The following TMEM8B variants were observed in gnomAD, a reference collection of about 807,000 sequenced individuals.
The protein encoded by TMEM8B is transmembrane protein 8B.
TMEM8B carries 29 observed loss-of-function variants against 49.3 expected under a neutral mutation model. The ratio of observed to expected loss-of-function variants is 0.59; its 90% confidence interval spans 0.44 to 0.80. TMEM8B has a LOEUF of 0.80. Among genes scored for constraint, TMEM8B ranks in the 30% least tolerant of loss-of-function variants. TMEM8B has a pLI of 0.00. For missense variants in TMEM8B, 575 were observed against 658.5 expected, an observed-to-expected ratio of 0.87 and a Z score of 1.39; for synonymous variants, 264 against 272.8, an observed-to-expected ratio of 0.97 and a Z score of 0.32.
rs1233802433 is a variant in TMEM8B, at chr9:35,855,250, A to G, written c.*1410A>G. ...CTGCATCTGTTAAAACTGCAAATCT[A>G]TCTTGGCCTGGGGTGTGGAGCTCAG... is the stretch of plus-strand genomic sequence containing the variant. On this transcript the variant is annotated 3_prime_UTR_variant, in exon 13 of 13. Transcript: ENST00000643932. 1 of 152,164 alleles carries G rather than the reference A, an allele frequency of 6.6e-6. No individual in the cohort carries two copies. The highest frequency in any genetic ancestry group is 2.4e-5 in the African/African-American group (1 of 41,434). 9.4% of individuals were successfully genotyped at this position (152,164 alleles called of 1,614,324 possible).
At position 35,841,080 on chromosome 9, in the gene TMEM8B, T is replaced by A; in HGVS notation, c.907-54T>A. On this transcript the variant is annotated intron_variant, in intron 3 of 12. Transcript: ENST00000643932. The surrounding 1 kb of genome is among the most constrained non-coding windows in gnomAD (Gnocchi z 5.9). Reference sequence around the variant, plus strand: ...CCCAGCAGGTTCTGTTTGCCTTGGTTTAGTCACACCCCTGCTGTCTCTCCC... The same window carrying A: ...CCCAGCAGGTTCTGTTTGCCTTGGTATAGTCACACCCCTGCTGTCTCTCCC... The A allele has an allele frequency of 2.4e-6, 1 of 414,416 alleles. No homozygotes were observed. The highest frequency in any genetic ancestry group is 3.6e-5 in the East Asian group (1 of 28,062). 25.7% of individuals were successfully genotyped at this position (414,416 alleles called of 1,614,324 possible).
chr9:35,837,074 G>A (rs1306077062), intron 3 of TMEM8B, among the ~76,000 whole-genome samples: 1 of 152,128 alleles, frequency 6.6e-6, no homozygotes. Flanking sequence ...TTCTCAACTT[G>A]TTTCCTTCCC....
At position 35,863,266 on chromosome 9, in the gene TMEM8B, GAGAAGGGCTTTGGGC is replaced by G. The variant is rs1225399510; in HGVS notation, c.*9429_*9443del. The G allele has an allele frequency of 6.6e-6, 1 of 152,186 alleles. No individual in the cohort carries two copies. The highest frequency in any genetic ancestry group is 1.5e-5 in the Non-Finnish European group (1 of 68,026). The allele number at this position is 152,186 out of a possible 1,614,324, so 9.4% of individuals were successfully genotyped here. A position where few individuals can be genotyped will look rare whatever the true frequency, so the allele number is the denominator to read the frequency against. ...ATGATACAGCTATTGTGATTGCTAG[GAGAAGGGCTTTGGGC>G]AGTGCCAGTCTCCTGTTTGCAGTAA... On this transcript the variant is annotated 3_prime_UTR_variant, in exon 13 of 13. Transcript: ENST00000643932.
In TMEM8B at chr9:35,861,339, A is replaced by C. The variant is rs1832650853; in HGVS notation, c.*7499A>C. ...GAGGCGTGTCCTCCCGCCCATCCCC[A>C]GTGGGGGGTGTTCTGCCCATTCTCC... On this transcript the variant is annotated 3_prime_UTR_variant, in exon 13 of 13. Transcript: ENST00000643932. The C allele has an allele frequency of 6.6e-6, 1 of 152,314 alleles. No individual in the cohort carries two copies. Among genetic ancestry groups the C allele is most frequent in the African/African-American group, 2.4e-5 (1 of 41,420 alleles). 9.4% of individuals were successfully genotyped at this position (152,314 alleles called of 1,614,324 possible).
rs138213013 is a variant in TMEM8B at position 35,838,348 on chromosome 9, C to T, written c.907-2786C>T. Reference sequence around the variant, plus strand: ...TTTTCTTTTTGAAACACCTTCCCTTCTTGGCCTCTGTGACTTTACAGAACT... The same window carrying T: ...TTTTCTTTTTGAAACACCTTCCCTTTTTGGCCTCTGTGACTTTACAGAACT... On this transcript the variant is annotated intron_variant, in intron 3 of 12. Transcript: ENST00000643932. Among the ~76,000 whole-genome samples the T allele has an allele frequency of 1.3e-4, 20 of 152,174 alleles. No individual in the cohort carries two copies. The East Asian group carries it at 3.5e-3, about 27-fold the overall frequency.
chr9:35,861,590 C>G lies in TMEM8B; in HGVS notation c.*7750C>G, dbSNP rs566460559. The stretch of plus-strand genomic sequence containing the variant: ...AGGCACCCAGCAGATAGCGAATGCA[C>G]GACTCCAAAACCCAGCTTTGCCTCC... On this transcript the variant is annotated 3_prime_UTR_variant, in exon 13 of 13. Coordinates refer to ENST00000643932, the MANE Select transcript of TMEM8B (RefSeq NM_001042590.4). The G allele has an allele frequency of 1.3e-5, 2 of 152,674 alleles. No individual in the cohort carries two copies. Among genetic ancestry groups the G allele is most frequent in the African/African-American group, 4.8e-5 (2 of 41,472 alleles). The allele number at this position is 152,674 out of a possible 1,614,324, so 9.5% of individuals were successfully genotyped here.
Position 35,858,185 on chromosome 9 carries a change from G to C in TMEM8B, c.*4345G>C, listed in dbSNP as rs1235314503. On this transcript the variant is annotated 3_prime_UTR_variant, in exon 13 of 13. Coordinates refer to ENST00000643932, the MANE Select transcript of TMEM8B (RefSeq NM_001042590.4). The stretch of plus-strand genomic sequence containing the variant: ...AGTGGCGCCATCTCAGCTCACTGCA[G>C]CCTCCACCTCCCAAGTTCAAGCGAT... 1 of 149,386 alleles carries C rather than the reference G, an allele frequency of 6.7e-6. No individual in the cohort carries two copies. Among genetic ancestry groups the C allele is most frequent in the African/African-American group, 2.5e-5 (1 of 40,464 alleles). The allele number at this position is 149,386 out of a possible 1,614,324, so 9.3% of individuals were successfully genotyped here. A position where few individuals can be genotyped will look rare whatever the true frequency, so the allele number is the denominator to read the frequency against.
chr9:35,849,963 T>C (rs1399212754), intron 10 of TMEM8B, among the ~76,000 whole-genome samples: 1 of 152,218 alleles, frequency 6.6e-6, no homozygotes, highest in African/African-American at 2.4e-5. Context: ...GCTGTGCAGG[T>C]GTCCTTGCTG....
intron 10 of TMEM8B, among the ~76,000 whole-genome samples, chr9:35,850,173 T>G (rs1264523490): frequency 6.6e-6 from 1 of 152,240 alleles, no homozygotes; most frequent in Non-Finnish European, 1.5e-5. Flanking sequence ...CGTTTGCGTT[T>G]ATAGTCCACA....
rs1832273197 is a variant in TMEM8B at position 35,852,827 on chromosome 9, T to G, written c.2176T>G (p.Phe726Val). Residue 726 changes from phenylalanine (F) to valine (V), a missense_variant and splice_region_variant, in exon 11 of 13, where the codon TTC (phenylalanine) becomes GTC (valine). Phe to Val is a conservative substitution (Grantham distance 50). Transcript: ENST00000643932. ...CAATGCCTGTCATTTCTTCCTTCAG[T>G]TCTATCATGCCTGTGACCAGCCAGG... The part of the protein sequence containing the change: ...VYTFTMFFST[F>V]YHACDQPGIV... 6.2e-7 allele frequency: 1 copy of G among 1,614,024 alleles called. No individual in the cohort carries two copies. The highest frequency in any genetic ancestry group is 8.5e-7 in the Non-Finnish European group (1 of 1,180,028).
chr9:35,846,380 C>T lies in TMEM8B; in HGVS notation c.1852C>T (p.Arg618Trp), dbSNP rs780339484. ...CCGCTCCCTGTGCGGGGTGGGGCCT[C>T]GGTGAGCGGTGCGGGGCGGGGCCAG... ...ALRSLCGVGP[R>W]FVRCRNATAE... The change falls in exon 8 of 13, where the codon CGG becomes TGG. Residue 618 changes from arginine to tryptophan, a missense_variant and splice_region_variant. Physicochemically the swap from Arg to Trp is moderately radical, Grantham distance 101 (BLOSUM62 -3). Transcript: ENST00000643932. 5.6e-6 allele frequency: 9 copies of T among 1,611,902 alleles called. No homozygotes were observed. The African/African-American group carries it at 8.0e-5, about 14-fold the overall frequency.
intron 3 of TMEM8B, among the ~76,000 whole-genome samples, chr9:35,838,469 A>G (rs1470064499): frequency 6.6e-6 from 1 of 151,910 alleles, no homozygotes; most frequent in Non-Finnish European, 1.5e-5. Flanking sequence ...TGGTCCTCGA[A>G]CAATTCCTTT....
At chr9:35,831,579 G>T (rs1380371750) in intron 1 of TMEM8B, among the ~76,000 whole-genome samples, 1 of 152,216 alleles carries the variant, frequency 6.6e-6, no homozygotes, top group African/African-American at 2.4e-5. Context: ...TTCAGTTTTG[G>T]TAAGGGGAAG....
At chr9:35,847,926 C>G (rs960708806) in intron 10 of TMEM8B, among the ~76,000 whole-genome samples, 1 of 152,176 alleles carries the variant, frequency 6.6e-6, no homozygotes, top group Non-Finnish European at 1.5e-5. Context: ...GGAATCTTTT[C>G]AACTCATCTC....
chr9:35,842,655 A>G lies in TMEM8B; in HGVS notation c.1573A>G (p.Met525Val), dbSNP rs377318656. ...CCCTGAGCGCCCAGCCGTGTTCGCC[A>G]TGAGGCTGTTGCCAGTGCTGGACAG... ...LPPERPAVFA[M>V]RLLPVLDSGG... The change falls in exon 6 of 13, where the codon ATG becomes GTG. Residue 525 changes from methionine (M) to valine (V), a missense_variant. Transcript: ENST00000643932. The surrounding 1 kb of genome is among the most constrained non-coding windows in gnomAD (Gnocchi z 5.6). 4 of 1,614,054 alleles carry G rather than the reference A, an allele frequency of 2.5e-6. No individual in the cohort carries two copies. Among genetic ancestry groups the G allele is most frequent in the African/African-American group, 2.7e-5 (2 of 74,934 alleles).
At position 35,860,777 on chromosome 9, in the gene TMEM8B, G is replaced by A. The variant is rs1030300527; in HGVS notation, c.*6937G>A. On this transcript the variant is annotated 3_prime_UTR_variant, in exon 13 of 13. Coordinates refer to ENST00000643932, the MANE Select transcript of TMEM8B (RefSeq NM_001042590.4). ...TACTTTCTGGCCTCCATATTGCTTTGTAGGAGAAATGATACTGACAATGAT... is the reference window on the plus strand; with the variant it reads ...TACTTTCTGGCCTCCATATTGCTTTATAGGAGAAATGATACTGACAATGAT... The A allele has an allele frequency of 6.6e-6, 1 of 152,254 alleles. No individual in the cohort carries two copies. Among genetic ancestry groups the A allele is most frequent in the Admixed American group, 6.5e-5 (1 of 15,280 alleles). 9.4% of individuals were successfully genotyped at this position (152,254 alleles called of 1,614,324 possible).
At chr9:35,852,804 A>G (rs1321977295) in intron 10 of TMEM8B, 23 bp from the exon 11 acceptor site, 2 of 1,613,620 alleles carry the variant, frequency 1.2e-6, no homozygotes, top group African/African-American at 1.3e-5. Context: ...AGTTCTCTCA[A>G]TGCCTGTCAT....
At chr9:35,830,078 T>C (rs1335199318) in intron 1 of TMEM8B, 123 bp downstream of exon 1, 10 of 401,074 alleles carry the variant, frequency 2.5e-5, no homozygotes, top group Non-Finnish European at 4.4e-5. Flanking sequence ...GTGGGAGAAA[T>C]AGAGAGTAGA....
chr9:35,840,985 C>G, intron 3 of TMEM8B, 149 bp from the exon 4 acceptor site: 1 of 406,400 alleles, frequency 2.5e-6, no homozygotes, highest in Non-Finnish European at 4.4e-6. Context: ...CAGGAAGGAC[C>G]TGGAATTTAG....
Sources: gnomAD v4.1 joint callset for allele counts (sites outside exome capture counted in the v4.1 genomes callset) on GRCh38, gnomAD v4.1.1 for gene constraint, Gnocchi (gnomAD v3.1) non-coding constraint, MANE v1.5 for transcripts, NCBI Gene and HGNC (gene_info 2026-07-23, HGNC 2026-07-21) for gene names.